PLXNA2: variants seen among roughly 807,000 people sequenced by gnomAD.
PLXNA2 encodes the protein plexin-A2.
PLXNA2 carries 91 observed loss-of-function variants against 193.5 expected under a neutral mutation model. The ratio of observed to expected loss-of-function variants is 0.47; its 90% CI spans 0.40 to 0.56. PLXNA2 has a LOEUF of 0.56. PLXNA2 is among the 20% of genes least tolerant of loss of function. The pLI is 0.00. For missense variants in PLXNA2, 1,995 were observed against 2,503.2 expected (o/e 0.80, Z 4.33); for synonymous variants, 997 against 1,027.3 (o/e 0.97, Z 0.56).
intron 3 of PLXNA2, among the ~76,000 whole-genome samples, chr1:208,180,643 C>T (rs980170334): frequency 2.0e-5 from 3 of 152,196 alleles, no homozygotes; most frequent in Non-Finnish European, 4.4e-5. Flanking sequence ...TTATTTACTC[C>T]GTTTGGCAGA....
chr1:208,222,406 C>G (rs186586845), intron 1 of PLXNA2, among the ~76,000 whole-genome samples: 1 of 152,176 alleles, frequency 6.6e-6, no homozygotes, highest in Non-Finnish European at 1.5e-5. Flanking sequence ...CCAGGACTCT[C>G]GCCTGAACAA....
intron 9 of PLXNA2, among the ~76,000 whole-genome samples, chr1:208,086,244 T>G (rs1301969179): frequency 6.6e-6 from 1 of 152,152 alleles, no homozygotes; most frequent in African/African-American, 2.4e-5. Flanking sequence ...GTAACGGACA[T>G]GTCAAGCATG....
At chr1:208,166,128 A>T (rs1669298161) in intron 3 of PLXNA2, among the ~76,000 whole-genome samples, 1 of 152,250 alleles carries the variant, frequency 6.6e-6, no homozygotes, top group Admixed American at 6.5e-5. Context: ...CACATTAAAC[A>T]CAACACAGAA....
Position 208,028,994 on chromosome 1 carries a change from C to T in PLXNA2, c.5274G>A (p.Val1758=). 5.6e-6 allele frequency: 9 copies of T among 1,614,052 alleles called. No homozygotes were observed. The highest frequency in any genetic ancestry group is 7.6e-6 in the Non-Finnish European group (9 of 1,180,018). Residue 1758 remains valine, a synonymous_variant, in exon 30 of 32, where the codon GTG becomes GTA. Transcript: ENST00000367033. This position sits in a 1 kb window ranked among gnomAD's most constrained non-coding sequence, Gnocchi z 4.2. ...TGATGCTGCCCTTGTGGATGTCAAA[C>T]ACGAACTGGGGGTTCTTAATCACGT... is the stretch of plus-strand genomic sequence containing the variant. ...WVNVIKNPQF[V]FDIHKGSITD...
chr1:208,184,408 C>T (rs994096272), intron 3 of PLXNA2, among the ~76,000 whole-genome samples: 1 of 151,090 alleles, frequency 6.6e-6, no homozygotes, highest in Admixed American at 6.6e-5. Context: ...TGCCTCCCTT[C>T]TCCACCCCCT....
rs920348903 is a variant in PLXNA2, at chr1:208,027,130, T to G, written c.*113A>C. ...CCTCCCCTCTCCCCAGGATGGGGTC[T>G]CAGGGGACAGCAAGCTCTGGGGCCT... On this transcript the variant is annotated 3_prime_UTR_variant, in exon 32 of 32. Transcript: ENST00000367033. The G allele has an allele frequency of 1.3e-5, 13 of 979,392 alleles. No individual in the cohort carries two copies. The highest frequency in any genetic ancestry group is 2.5e-5 in the East Asian group (1 of 40,336). The allele number at this position is 979,392 out of a possible 1,614,324, so 60.7% of individuals were successfully genotyped here.
chr1:208,203,263 T>A (rs1670609173), intron 3 of PLXNA2, among the ~76,000 whole-genome samples: 1 of 152,138 alleles, frequency 6.6e-6, no homozygotes, highest in East Asian at 1.9e-4. Flanking sequence ...CCAAACTCAT[T>A]ACTAGGGATG....
At chr1:208,131,033 G>A (rs1668133574) in intron 4 of PLXNA2, among the ~76,000 whole-genome samples, 1 of 152,228 alleles carries the variant, frequency 6.6e-6, no homozygotes. Flanking sequence ...AAAGGCCTGA[G>A]AGGAGCTGTT....
Position 208,149,644 on chromosome 1 carries a change from T to G in PLXNA2, c.1372-7181A>C, listed in dbSNP as rs551450405. 9.2e-5 allele frequency among the ~76,000 whole-genome samples: 14 copies of G among 152,076 alleles called. 1 individual carries two copies. In the East Asian group the frequency reaches 2.5e-3, roughly 27 times the overall value. On this transcript the variant is annotated intron_variant, in intron 3 of 31. Transcript: ENST00000367033. ...GTGAAAGGTGGAGAGGGCCTGGTGC[T>G]GCTGAGGCTGACCCTGGGAGTGAGT...
chr1:208,055,719 G>A (rs1210900812), intron 13 of PLXNA2, among the ~76,000 whole-genome samples: 6 of 151,870 alleles, frequency 4.0e-5, no homozygotes, highest in Non-Finnish European at 7.4e-5. Context: ...TAGGAAGGAA[G>A]GTAACTAAAC....
chr1:208,078,974 C>A (rs2102380714), intron 12 of PLXNA2, among the ~76,000 whole-genome samples: 1 of 152,290 alleles, frequency 6.6e-6, no homozygotes, highest in East Asian at 1.9e-4. Context: ...GCTCAGCCAG[C>A]CTGGCAGGGA....
intron 27 of PLXNA2, among the ~76,000 whole-genome samples, chr1:208,034,082 C>A (rs1405966546): frequency 1.3e-5 from 2 of 152,204 alleles, no homozygotes; most frequent in East Asian, 3.9e-4. Flanking sequence ...GGCCTGGGGG[C>A]CCCAGTACTC....
chr1:208,062,512 T>C (rs1665651613), intron 12 of PLXNA2, among the ~76,000 whole-genome samples: 1 of 152,186 alleles, frequency 6.6e-6, no homozygotes, highest in African/African-American at 2.4e-5. Flanking sequence ...ACCTCCTGCC[T>C]GTCTATCCTC....
In PLXNA2 at chr1:208,143,043, G is replaced by A. The variant is rs142495219; in HGVS notation, c.1372-580C>T. Among the ~76,000 whole-genome samples the A allele has an allele frequency of 1.8e-3, 280 of 152,334 alleles. 2 individuals carry two copies. In the Middle Eastern group the frequency reaches 0.02, roughly 11 times the overall value. On this transcript the variant is annotated intron_variant, in intron 3 of 31. Transcript: ENST00000367033. Reference sequence around the variant, plus strand: ...GTGGGGAGCCAGGAATCCTGGCTTAGCCTCTCCAAGCCCATCCTAGGAAAA... The same window carrying A: ...GTGGGGAGCCAGGAATCCTGGCTTAACCTCTCCAAGCCCATCCTAGGAAAA...
chr1:208,210,035 TTC>T, intron 3 of PLXNA2: 14 of 283,740 alleles, frequency 4.9e-5, no homozygotes, highest in South Asian at 1.2e-4. Flanking sequence ...TTAAAGTTTT[TTC>T]TTAAAGTTTG....
chr1:208,135,318 C>G (rs1321655183), intron 4 of PLXNA2, among the ~76,000 whole-genome samples: 1 of 152,140 alleles, frequency 6.6e-6, no homozygotes, highest in Non-Finnish European at 1.5e-5. Context: ...AGCCAGTTTC[C>G]TGTAATCCAT....
intron 10 of PLXNA2, among the ~76,000 whole-genome samples, chr1:208,083,291 A>G (rs188543244): frequency 6.6e-6 from 1 of 152,204 alleles, no homozygotes; most frequent in African/African-American, 2.4e-5. Flanking sequence ...TCTTGTGCTG[A>G]TCCCACAGAA....
At chr1:208,031,125 C>T in intron 29 of PLXNA2, 2 of 999,622 alleles carry the variant, frequency 2.0e-6, no homozygotes, top group Non-Finnish European at 2.4e-6. Flanking sequence ...TGCTGACCAA[C>T]TTCACCGGGC....
intron 3 of PLXNA2, among the ~76,000 whole-genome samples, chr1:208,156,085 T>G (rs958322319): frequency 1.3e-5 from 2 of 151,990 alleles, no homozygotes; most frequent in African/African-American, 4.8e-5. Context: ...GGGCATTTCC[T>G]AAGTGGGGAA....
Sources: gnomAD v4.1 joint callset for allele counts (sites outside exome capture counted in the v4.1 genomes callset) on GRCh38, gnomAD v4.1.1 for gene constraint, Gnocchi (gnomAD v3.1) non-coding constraint, MANE v1.5 for transcripts, NCBI Gene and HGNC (gene_info 2026-07-23, HGNC 2026-07-21) for gene names.